XIRP2: variants seen among roughly 807,000 people sequenced by gnomAD.
The protein encoded by XIRP2 is xin actin-binding repeat-containing protein 2.
A neutral mutation model predicts 277.0 loss-of-function variants in XIRP2; 236 were observed. The ratio of observed to expected loss-of-function variants is 0.85; its 90% CI spans 0.77 to 0.95. XIRP2 has a LOEUF of 0.95. Among genes scored for constraint, XIRP2 ranks in the 40% least tolerant of loss-of-function variants. The pLI, the probability that XIRP2 is intolerant of heterozygous loss-of-function variation, is 0.00. For synonymous variants in XIRP2, 1,490 were observed against 1,416.5 expected (o/e 1.05, Z -1.17); for missense variants, 4,640 against 4,157.5 (o/e 1.12, Z -3.19).
intron 2 of XIRP2, 30 bp from the exon 3 acceptor site, chr2:167,135,876 TTTA>T: frequency 6.5e-7 from 1 of 1,539,514 alleles, no homozygotes; most frequent in Non-Finnish European, 8.7e-7. Context: ...ACTGATAGCT[TTTA>T]ACATACAACC....
chr2:167,028,893 C>T (rs1198928850), intron 2 of XIRP2, among the ~76,000 whole-genome samples: 1 of 150,942 alleles, frequency 6.6e-6, no homozygotes, highest in Non-Finnish European at 1.5e-5. Flanking sequence ...GTCAAGCGGA[C>T]ATTCTGAAGC....
At chr2:167,001,092 A>G (rs187028274) in intron 2 of XIRP2, among the ~76,000 whole-genome samples, 1 of 152,266 alleles carries the variant, frequency 6.6e-6, no homozygotes, top group East Asian at 1.9e-4. Flanking sequence ...GATTAGTTTA[A>G]TATTTTCTTA....
intron 3 of XIRP2, among the ~76,000 whole-genome samples, chr2:167,168,482 C>T (rs1462739640): frequency 6.6e-6 from 1 of 152,092 alleles, no homozygotes; most frequent in Middle Eastern, 3.2e-3. Context: ...TTGAGATATT[C>T]TCAACTGAGA....
chr2:167,206,236 C>A (rs1007213257), intron 3 of XIRP2, among the ~76,000 whole-genome samples: 1 of 152,154 alleles, frequency 6.6e-6, no homozygotes, highest in African/African-American at 2.4e-5. Flanking sequence ...TATTTTCAAT[C>A]TATGCCCAAA....
intron 2 of XIRP2, among the ~76,000 whole-genome samples, chr2:166,986,717 G>GTTTA (rs1433439473): frequency 6.6e-6 from 1 of 152,196 alleles, no homozygotes; most frequent in African/African-American, 2.4e-5. Flanking sequence ...CCTGTTAAAT[G>GTTTA]TTTATCAGGG....
At position 167,247,529 on chromosome 2, in the gene XIRP2, T is replaced by C. The variant is rs749001154; in HGVS notation, c.6137T>C (p.Leu2046Pro). ...NDALEKSLRR[L>P]SNSHHKSNVL... is the part of the protein sequence containing the mutation. ...GCTCTGGAGAAAAGCCTTAGAAGAC[T>C]ATCTAATTCACACCATAAATCTAAT... Residue 2046 changes from leucine (L) to proline (P), a missense_variant, in exon 9 of 11, where the codon CTA (leucine) becomes CCA (proline). Leu to Pro is a moderately conservative substitution (Grantham distance 98, BLOSUM62 -3). Transcript: ENST00000409195. The C allele has an allele frequency of 1.2e-6, 2 of 1,613,736 alleles. No homozygotes were observed. Among genetic ancestry groups the C allele is most frequent in the East Asian group, 4.5e-5 (2 of 44,840 alleles).
intron 2 of XIRP2, among the ~76,000 whole-genome samples, chr2:166,939,681 A>C (rs1685636313): frequency 8.1e-6 from 1 of 123,248 alleles, no homozygotes. Context: ...CTCCATCACA[A>C]AAAAAAAAAA....
At chr2:167,014,018 A>G (rs1261116324) in intron 2 of XIRP2, among the ~76,000 whole-genome samples, 1 of 102,776 alleles carries the variant, frequency 9.7e-6, no homozygotes, top group African/African-American at 5.4e-5. Flanking sequence ...TTTGATCACT[A>G]TCATAATTAA....
Position 167,245,923 on chromosome 2 carries a change from A to G in XIRP2, c.4531A>G (p.Lys1511Glu). 6.2e-7 allele frequency: 1 copy of G among 1,613,756 alleles called. No homozygotes were observed. The highest frequency in any genetic ancestry group is 8.5e-7 in the Non-Finnish European group (1 of 1,179,772). The change falls in exon 9 of 11, where the codon AAA becomes GAA. Residue 1511 changes from lysine (K) to glutamate (E), a missense_variant. Transcript: ENST00000409195. ...TATGGAAGCACATAAAGGTATCACA[A>G]AAATGACCAAGGAAGAAATCCCTCC... ...SIMEAHKGIT[K>E]MTKEEIPPSD... is the part of the protein sequence containing the mutation.
intron 5 of XIRP2, among the ~76,000 whole-genome samples, chr2:167,230,758 G>C (rs1694725320): frequency 6.6e-6 from 1 of 151,820 alleles, no homozygotes; most frequent in Non-Finnish European, 1.5e-5. Flanking sequence ...AACTGTAAAG[G>C]GCCTTGTACT....
chr2:166,953,531 G>A (rs1394306841), intron 2 of XIRP2, among the ~76,000 whole-genome samples: 1 of 151,884 alleles, frequency 6.6e-6, no homozygotes, highest in Non-Finnish European at 1.5e-5. Flanking sequence ...AAGAGAAATA[G>A]TTCAATTCCA....
intron 2 of XIRP2, among the ~76,000 whole-genome samples, chr2:166,912,455 C>A (rs1684736317): frequency 6.6e-6 from 1 of 152,288 alleles, no homozygotes; most frequent in East Asian, 1.9e-4. Context: ...TTTTTCAGCT[C>A]CATCAGGTCA....
intron 2 of XIRP2, among the ~76,000 whole-genome samples, chr2:167,123,051 A>G (rs1381511141): frequency 6.6e-6 from 1 of 152,190 alleles, no homozygotes; most frequent in Non-Finnish European, 1.5e-5. Context: ...TGGTAGGAAC[A>G]TATCTGAAAA....
intron 4 of XIRP2, among the ~76,000 whole-genome samples, chr2:167,217,869 C>T (rs947796345): frequency 2.6e-5 from 4 of 151,924 alleles, no homozygotes; most frequent in Admixed American, 6.6e-5. Flanking sequence ...GGAGAAATAC[C>T]GTGCAATCTA....
chr2:167,250,310 T>C lies in XIRP2; in HGVS notation c.8918T>C (p.Leu2973Pro). ...GAAGCAGAGCCAAATAAAAGTGGCCTTAAAACATTTCAGACACTATTAAAT... is the reference window on the plus strand; with the variant it reads ...GAAGCAGAGCCAAATAAAAGTGGCCCTAAAACATTTCAGACACTATTAAAT... The part of the protein sequence containing the change: ...QFEAEPNKSG[L>P]KTFQTLLNTI... The change falls in exon 9 of 11, where the codon CTT (leucine) becomes CCT (proline). Residue 2973 changes from leucine (L) to proline (P), a missense_variant. Physicochemically the swap from Leu to Pro is moderately conservative, Grantham distance 98. Coordinates refer to ENST00000409195, the MANE Select transcript of XIRP2 (RefSeq NM_152381.6). The C allele has an allele frequency of 6.2e-7, 1 of 1,613,266 alleles. No homozygotes were observed. Among genetic ancestry groups the C allele is most frequent in the Admixed American group, 1.7e-5 (1 of 59,912 alleles).
chr2:167,244,420 G>T lies in XIRP2; in HGVS notation c.3028G>T (p.Val1010Leu). 4 of 1,613,724 alleles carry T rather than the reference G, an allele frequency of 2.5e-6. No homozygotes were observed. Among genetic ancestry groups the T allele is most frequent in the Non-Finnish European group, 3.4e-6 (4 of 1,179,792 alleles). The change falls in exon 9 of 11, where the codon GTA becomes TTA. Residue 1010 changes from valine to leucine, a missense_variant. Physicochemically the swap from Val to Leu is conservative, Grantham distance 32. Coordinates refer to ENST00000409195, the MANE Select transcript of XIRP2 (RefSeq NM_152381.6). Reference protein sequence around the residue: ...QVKTVQQEEIVRGDVRSCRWL... With the variant: ...QVKTVQQEEILRGDVRSCRWL... Reference sequence around the variant, plus strand: ...AAAGACAGTCCAGCAAGAAGAAATCGTAAGAGGTGATGTAAGAAGCTGTAG... The same window carrying T: ...AAAGACAGTCCAGCAAGAAGAAATCTTAAGAGGTGATGTAAGAAGCTGTAG...
At chr2:167,107,220 A>C (rs1017425400) in intron 2 of XIRP2, among the ~76,000 whole-genome samples, 2 of 151,832 alleles carry the variant, frequency 1.3e-5, no homozygotes, top group Admixed American at 1.3e-4. Context: ...CATAACTTCC[A>C]ATACTGAAAG....
Position 167,258,882 on chromosome 2 carries a change from C to T in XIRP2, c.*1065C>T. 5 of 1,613,218 alleles carry T rather than the reference C, an allele frequency of 3.1e-6. No homozygotes were observed. Among genetic ancestry groups the T allele is most frequent in the Non-Finnish European group, 4.2e-6 (5 of 1,179,608 alleles). On this transcript the variant is annotated 3_prime_UTR_variant, in exon 11 of 11. Coordinates refer to ENST00000409195, the MANE Select transcript of XIRP2 (RefSeq NM_152381.6). ...TATTCGAGGAATGTACTAGCAATGGCTCTGAAGAAACAGACTGACAGAGCA... is the reference window on the plus strand; with the variant it reads ...TATTCGAGGAATGTACTAGCAATGGTTCTGAAGAAACAGACTGACAGAGCA...
At chr2:167,158,017 C>T (rs989525141) in intron 3 of XIRP2, among the ~76,000 whole-genome samples, 2 of 152,094 alleles carry the variant, frequency 1.3e-5, no homozygotes, top group African/African-American at 4.8e-5. Flanking sequence ...TTTAAAAGTG[C>T]TTTAAAACAG....
Sources: allele counts gnomAD v4.1 joint callset (sites outside exome capture counted in the v4.1 genomes callset), GRCh38; gene constraint gnomAD v4.1.1; transcripts MANE v1.5; gene names NCBI Gene and HGNC (gene_info 2026-07-23, HGNC 2026-07-21).